The following DOCK6 variants were observed in gnomAD, a reference collection of about 807,000 sequenced individuals.
The protein encoded by DOCK6 is dedicator of cytokinesis 6.
In DOCK6, 167 loss-of-function variants were observed where a neutral mutation model predicts 230.3. The ratio of observed to expected loss-of-function variants is 0.73; its 90% CI spans 0.64 to 0.82. The LOEUF (loss-of-function observed/expected upper bound fraction) is 0.82, where lower values mean the gene tolerates loss of function less well. DOCK6 is among the 40% of genes least tolerant of loss of function. The pLI is 0.00. For synonymous variants in DOCK6, 1,148 were observed against 1,185.0 expected, an observed-to-expected ratio of 0.97 and a Z score of 0.64; for missense variants, 2,598 against 2,825.8, an observed-to-expected ratio of 0.92 and a Z score of 1.83.
In DOCK6 at chr19:11,212,026, G is replaced by A. The variant is rs749250148; in HGVS notation, c.4617C>T (p.Asp1539=). 6.2e-7 allele frequency: 1 copy of A among 1,609,426 alleles called. No homozygotes were observed. Among genetic ancestry groups the A allele is most frequent in the Non-Finnish European group, 8.5e-7 (1 of 1,178,318 alleles). ...CGAAGGTGCTGTCCCGCAGCCCCAT[G>A]TCCTCCTCAGCATAGGTGAGGATGG... ...LKTILTYAEE[D]MGLRDSTFAE... Residue 1539 remains aspartate, a synonymous_variant, in exon 36 of 48, where the codon GAC becomes GAT. Coordinates refer to ENST00000294618, the MANE Select transcript of DOCK6 (RefSeq NM_020812.4).
chr19:11,199,476 A>T lies in DOCK6; in HGVS notation c.*21T>A. 4 of 1,572,872 alleles carry T rather than the reference A, an allele frequency of 2.5e-6. No individual in the cohort carries two copies. The highest frequency in any genetic ancestry group is 2.6e-6 in the Non-Finnish European group (3 of 1,158,854). On this transcript the variant is annotated 3_prime_UTR_variant, in exon 48 of 48. Coordinates refer to ENST00000294618, the MANE Select transcript of DOCK6 (RefSeq NM_020812.4). ...GGCCCGGGTGCTGGTTCCTCTAGGT[A>T]CAGCTTTGGTCCTTGTGGGCTCAGA...
Position 11,251,974 on chromosome 19 carries a change from C to T in DOCK6, c.507+145G>A, listed in dbSNP as rs1568264146. ...ACTCAATAAATGTTTATAATTATGA[C>T]CCCTAACTTTTTACTCATGGGGACT... On this transcript the variant is annotated intron_variant, in intron 5 of 47. Transcript: ENST00000294618. 3.4e-6 allele frequency: 4 copies of T among 1,187,182 alleles called. No individual in the cohort carries two copies. The East Asian group carries it at 7.7e-5, about 23-fold the overall frequency. The allele number at this position is 1,187,182 out of a possible 1,614,324, so 73.5% of individuals were successfully genotyped here.
At chr19:11,250,482 C>A (rs2080100436) in intron 6 of DOCK6, among the ~76,000 whole-genome samples, 1 of 150,442 alleles carries the variant, frequency 6.6e-6, no homozygotes, top group Non-Finnish European at 1.5e-5. Context: ...GCCTGGCTAA[C>A]TTTTGTATTT....
At chr19:11,207,440 C>A (rs2079280950) in intron 39 of DOCK6, among the ~76,000 whole-genome samples, 1 of 151,864 alleles carries the variant, frequency 6.6e-6, no homozygotes, top group Non-Finnish European at 1.5e-5. Flanking sequence ...AAGTGATCCT[C>A]CTGCTTCAGC....
At chr19:11,220,162 C>T (rs1379798690) in intron 28 of DOCK6, among the ~76,000 whole-genome samples, 1 of 152,014 alleles carries the variant, frequency 6.6e-6, no homozygotes, top group Admixed American at 6.6e-5. Context: ...CCATGTTGTC[C>T]AGGCTGGTCT....
chr19:11,255,073 G>A (rs1405408964), intron 1 of DOCK6, among the ~76,000 whole-genome samples: 1 of 152,026 alleles, frequency 6.6e-6, no homozygotes, highest in African/African-American at 2.4e-5. Flanking sequence ...CCACAATCCC[G>A]GCTCACTGCA....
At chr19:11,235,042 A>C (rs1158500315) in intron 21 of DOCK6, among the ~76,000 whole-genome samples, 3 of 151,904 alleles carry the variant, frequency 2.0e-5, no homozygotes, top group Admixed American at 6.6e-5. Context: ...TCCCGGGTTC[A>C]AGTGATTCTT....
chr19:11,208,593 C>G, intron 39 of DOCK6, 93 bp downstream of exon 39: 1 of 1,503,234 alleles, frequency 6.7e-7, no homozygotes, highest in East Asian at 2.3e-5. Flanking sequence ...CTCCTTCTTT[C>G]TAAATCCCCT....
chr19:11,239,749 C>T (rs1185178580), intron 14 of DOCK6: 1 of 1,612,754 alleles, frequency 6.2e-7, no homozygotes. Context: ...GCTGACCCTG[C>T]TCTTCCATGG....
chr19:11,245,560 C>T lies in DOCK6; in HGVS notation c.1023+3G>A. The T allele has an allele frequency of 6.4e-7, 1 of 1,554,502 alleles. No individual in the cohort carries two copies. Among genetic ancestry groups the T allele is most frequent in the Non-Finnish European group, 8.7e-7 (1 of 1,148,716 alleles). ...CACCCCCTTGCCCAGCCCCAGCAGG[C>T]ACCTTGATGACCAGGAAGATGTCAG... On this transcript the variant is annotated splice_donor_region_variant and intron_variant, in intron 9 of 47. Coordinates refer to ENST00000294618, the MANE Select transcript of DOCK6 (RefSeq NM_020812.4).
chr19:11,211,064 G>T (rs11668207), intron 37 of DOCK6, among the ~76,000 whole-genome samples: 6 of 151,040 alleles, frequency 4.0e-5, no homozygotes, highest in Non-Finnish European at 8.9e-5. Flanking sequence ...CTACTCACCT[G>T]TCTCCTCACC....
rs761703625 is a variant in DOCK6 at position 11,215,830 on chromosome 19, G to A, written c.3992C>T (p.Ala1331Val). 6.2e-7 allele frequency: 1 copy of A among 1,613,986 alleles called. No individual in the cohort carries two copies. Among genetic ancestry groups the A allele is most frequent in the Non-Finnish European group, 8.5e-7 (1 of 1,179,882 alleles). Residue 1331 changes from alanine (A) to valine (V), a missense_variant, in exon 31 of 48, where the codon GCT becomes GTT. By Grantham distance (64) the Ala-to-Val change is moderately conservative. Transcript: ENST00000294618. ...LEEAILGTIGARQEMVRRSRE... is the reference protein window; with the variant it reads ...LEEAILGTIGVRQEMVRRSRE... The stretch of plus-strand genomic sequence containing the variant: ...ACTTCGCCGAACCATTTCTTGTCGA[G>A]CTCCGATGGTACCCAGAATGGCTTC...
intron 39 of DOCK6, among the ~76,000 whole-genome samples, chr19:11,205,204 G>C (rs981310903): frequency 1.3e-5 from 2 of 151,864 alleles, no homozygotes; most frequent in Non-Finnish European, 2.9e-5. Flanking sequence ...TGTGTGTATG[G>C]TTTTTTTTCG....
chr19:11,258,818 G>A (rs753794468), intron 1 of DOCK6, among the ~76,000 whole-genome samples: 12 of 150,522 alleles, frequency 8.0e-5, no homozygotes, highest in African/African-American at 9.8e-5. Flanking sequence ...GTGCAGTGGC[G>A]TGATCTCAGC....
Position 11,202,015 on chromosome 19 carries a change from C to T in DOCK6, c.5562G>A (p.Thr1854=), listed in dbSNP as rs756548269. ...NYGLRTFLFC[T]PFTPDGRAHG... The stretch of plus-strand genomic sequence containing the variant: ...GTGCGCGCCCATCCGGCGTGAACGG[C>T]GTGCAGAACAGGAATGTGCGAAGCC... The change falls in exon 44 of 48, where the codon ACG becomes ACA. Residue 1854 remains threonine (T), a synonymous_variant. Transcript: ENST00000294618. The surrounding 1 kb of genome is among the most constrained non-coding windows in gnomAD (Gnocchi z 5.3). 1.1e-5 allele frequency: 18 copies of T among 1,613,912 alleles called. No homozygotes were observed. The highest frequency in any genetic ancestry group is 1.7e-5 in the Admixed American group (1 of 60,002).
chr19:11,235,848 G>A (rs1897099230), intron 20 of DOCK6, 89 bp from the exon 21 acceptor site: 7 of 1,469,328 alleles, frequency 4.8e-6, no homozygotes. Context: ...CAGGATTTGA[G>A]GGATCATGTG....
In DOCK6 at chr19:11,213,099, C is replaced by T. The variant is rs1056906142; in HGVS notation, c.4491+77G>A. The stretch of plus-strand genomic sequence containing the variant: ...TCAATGACTGTCTCCCCCTCCCTCA[C>T]TCCCTGTATGGTTGAGACCCCACTG... On this transcript the variant is annotated intron_variant, in intron 35 of 47. Transcript: ENST00000294618. The T allele has an allele frequency of 2.3e-5, 36 of 1,534,422 alleles. No homozygotes were observed. In the African/African-American group the frequency reaches 3.9e-4, roughly 17 times the overall value.
At chr19:11,245,353 T>C (rs903434424) in intron 9 of DOCK6, among the ~76,000 whole-genome samples, 8 of 152,108 alleles carry the variant, frequency 5.3e-5, no homozygotes, top group Non-Finnish European at 1.0e-4. Flanking sequence ...TGCCCACGTA[T>C]AGTTATCAGC....
In DOCK6 at chr19:11,201,219, TTGGGTCTGC is replaced by T. The variant is rs1020093066; in HGVS notation, c.5689-176_5689-168del. ...GGTCTGACTCTGGGGGGGTCCAGCCTTGGGTCTGCTGGGTCTGGTGCCCTGGGGTCCAGG... is the reference window on the plus strand; with the variant it reads ...GGTCTGACTCTGGGGGGGTCCAGCCTTGGGTCTGGTGCCCTGGGGTCCAGG... On this transcript the variant is annotated intron_variant, in intron 44 of 47. Transcript: ENST00000294618. The surrounding 1 kb of genome is among the most constrained non-coding windows in gnomAD (Gnocchi z 4.3). 3.3e-5 allele frequency among the ~76,000 whole-genome samples: 5 copies of T among 151,686 alleles called. No homozygotes were observed. Among genetic ancestry groups the T allele is most frequent in the African/African-American group, 1.2e-4 (5 of 41,268 alleles).
Sources: allele counts gnomAD v4.1 joint callset (sites outside exome capture counted in the v4.1 genomes callset), GRCh38; gene constraint gnomAD v4.1.1; non-coding constraint Gnocchi (gnomAD v3.1); transcripts MANE v1.5; gene names NCBI Gene and HGNC (gene_info 2026-07-23, HGNC 2026-07-21).